CADM2: variants seen among roughly 807,000 people sequenced by gnomAD.
CADM2 encodes the protein immunoglobulin superfamily member 4D.
Under a neutral mutation model 49.8 loss-of-function variants are expected in CADM2, and 12 were observed. The observed-to-expected ratio is 0.24, with a 90% CI of 0.15 to 0.39. The LOEUF (loss-of-function observed/expected upper bound fraction) is 0.39. Among genes scored for constraint, CADM2 ranks in the 10% least tolerant of loss-of-function variants. The probability of loss-of-function intolerance (pLI) is 1.00; values close to 1 mark genes in which losing one functional copy is unlikely to be tolerated. For missense variants in CADM2, 378 were observed against 492.3 expected (o/e 0.77, Z 2.20); for synonymous variants, 214 against 175.4 (o/e 1.22, Z -1.74).
chr3:85,317,163 C>A (rs906881902), intron 1 of CADM2, among the ~76,000 whole-genome samples: 3 of 151,774 alleles, frequency 2.0e-5, no homozygotes, highest in African/African-American at 7.3e-5. Flanking sequence ...GTGAGGGTGA[C>A]AAAAATGAAA....
At chr3:85,449,306 A>G (rs2037639592) in intron 1 of CADM2, among the ~76,000 whole-genome samples, 1 of 151,984 alleles carries the variant, frequency 6.6e-6, no homozygotes, top group South Asian at 2.1e-4. Context: ...TTTGTTATAT[A>G]AAGGCGAGCT....
intron 1 of CADM2, among the ~76,000 whole-genome samples, chr3:85,444,637 C>A (rs2037363185): frequency 6.6e-6 from 1 of 152,084 alleles, no homozygotes; most frequent in Admixed American, 6.6e-5. Context: ...TCCCACAGTT[C>A]CTATCCTCCT....
intron 1 of CADM2, among the ~76,000 whole-genome samples, chr3:85,626,423 G>A (rs747611545): frequency 2.0e-5 from 3 of 151,890 alleles, no homozygotes; most frequent in Non-Finnish European, 4.4e-5. Context: ...TCTCACCCAT[G>A]AAGGGTAATT....
intron 2 of CADM2, among the ~76,000 whole-genome samples, chr3:85,748,723 C>T (rs1338493420): frequency 1.3e-5 from 2 of 152,100 alleles, no homozygotes; most frequent in Non-Finnish European, 2.9e-5. Flanking sequence ...GTATTTGCCT[C>T]TCTCAGGTGT....
At chr3:85,681,942 C>T (rs192323668) in intron 1 of CADM2, among the ~76,000 whole-genome samples, 1 of 152,198 alleles carries the variant, frequency 6.6e-6, no homozygotes, top group Non-Finnish European at 1.5e-5. Flanking sequence ...TGCTAAAGGG[C>T]TCAGCATGCA....
At chr3:85,385,094 C>T (rs1226015581) in intron 1 of CADM2, among the ~76,000 whole-genome samples, 1 of 151,988 alleles carries the variant, frequency 6.6e-6, no homozygotes, top group African/African-American at 2.4e-5. Context: ...CTCCAGCACA[C>T]CTGCTAATTT....
intron 1 of CADM2, among the ~76,000 whole-genome samples, chr3:85,483,387 T>C (rs892247720): frequency 4.0e-5 from 6 of 151,512 alleles, no homozygotes; most frequent in Admixed American, 4.0e-4. Flanking sequence ...CATATGTTTG[T>C]GTATATGTAA....
chr3:85,430,497 G>A (rs1414092387), intron 1 of CADM2, among the ~76,000 whole-genome samples: 1 of 151,286 alleles, frequency 6.6e-6, no homozygotes, highest in African/African-American at 2.4e-5. Flanking sequence ...CTGCCTGGGT[G>A]ACAGAGCAAG....
chr3:85,689,936 C>G (rs1039609076), intron 1 of CADM2, among the ~76,000 whole-genome samples: 1 of 152,084 alleles, frequency 6.6e-6, no homozygotes, highest in Non-Finnish European at 1.5e-5. Context: ...AAAAACAGGG[C>G]AGTTTCTGCA....
At chr3:85,525,363 G>T (rs2061138670) in intron 1 of CADM2, among the ~76,000 whole-genome samples, 1 of 152,096 alleles carries the variant, frequency 6.6e-6, no homozygotes, top group African/African-American at 2.4e-5. Flanking sequence ...GCTATATTCA[G>T]ATCTTTAGTT....
chr3:86,072,922 A>G lies in CADM2; in HGVS notation c.*6139A>G, dbSNP rs1038685895. The G allele has an allele frequency of 2.0e-5, 3 of 152,092 alleles. No homozygotes were observed. The highest frequency in any genetic ancestry group is 7.2e-5 in the African/African-American group (3 of 41,444). The allele number at this position is 152,092 out of a possible 1,614,324, so 9.4% of individuals were successfully genotyped here. On this transcript the variant is annotated 3_prime_UTR_variant, in exon 10 of 10. Coordinates refer to ENST00000383699, the MANE Select transcript of CADM2 (RefSeq NM_001167675.2). ...CTCTTTCTCCTTATAAATGTACACA[A>G]TTTTAATCTTTTTACAAATTTATTT... is the stretch of plus-strand genomic sequence containing the variant.
At position 85,856,591 on chromosome 3, in the gene CADM2, G is replaced by A. The variant is rs543319932; in HGVS notation, c.239-26700G>A. On this transcript the variant is annotated intron_variant, in intron 3 of 9. Coordinates refer to ENST00000383699, the MANE Select transcript of CADM2 (RefSeq NM_001167675.2). ...AATTACTATCAGAAATATGGTCAAG[G>A]ATTACAGGCATCAATATATTATGCT... Among the ~76,000 whole-genome samples the A allele has an allele frequency of 5.9e-5, 9 of 152,270 alleles. No homozygotes were observed. In the South Asian group the frequency reaches 1.9e-3, roughly 32 times the overall value.
chr3:85,285,650 A>G (rs946944603), intron 1 of CADM2, among the ~76,000 whole-genome samples: 1 of 152,062 alleles, frequency 6.6e-6, no homozygotes, highest in African/African-American at 2.4e-5. Context: ...CTCCTACCAC[A>G]ACAAACCAAA....
intron 8 of CADM2, among the ~76,000 whole-genome samples, chr3:86,032,989 C>G (rs4473548): frequency 0.036 from 5,446 of 151,976 alleles, 324 homozygotes; most frequent in African/African-American, 0.12. Context: ...TTATCAATCT[C>G]TTTTCCTTTT....
At chr3:85,820,525 T>A (rs1016189974) in intron 3 of CADM2, among the ~76,000 whole-genome samples, 17 of 152,242 alleles carry the variant, frequency 1.1e-4, no homozygotes, top group Admixed American at 2.6e-4. Context: ...GGCAAGAATG[T>A]GAGGTTGAAG....
chr3:85,627,095 C>T (rs1355099068), intron 1 of CADM2, among the ~76,000 whole-genome samples: 1 of 151,924 alleles, frequency 6.6e-6, no homozygotes, highest in Non-Finnish European at 1.5e-5. Flanking sequence ...AGTAAACTTT[C>T]ATTAAATTTT....
chr3:85,798,604 C>T (rs2071775898), intron 2 of CADM2, among the ~76,000 whole-genome samples: 1 of 152,110 alleles, frequency 6.6e-6, no homozygotes, highest in Non-Finnish European at 1.5e-5. Flanking sequence ...TTTCTGAGGA[C>T]TCTGTTCTTT....
intron 1 of CADM2, among the ~76,000 whole-genome samples, chr3:85,089,363 A>T (rs964501724): frequency 1.3e-5 from 2 of 152,096 alleles, no homozygotes; most frequent in Non-Finnish European, 2.9e-5. Flanking sequence ...AATATTTTGC[A>T]ACAGAACTAC....
chr3:85,343,346 T>C (rs2030150333), intron 1 of CADM2, among the ~76,000 whole-genome samples: 1 of 152,154 alleles, frequency 6.6e-6, no homozygotes, highest in Non-Finnish European at 1.5e-5. Context: ...TTTTCAAATT[T>C]ATAGAGGTGG....
Sources: allele counts gnomAD v4.1 joint callset (sites outside exome capture counted in the v4.1 genomes callset), GRCh38; gene constraint gnomAD v4.1.1; transcripts MANE v1.5; gene names NCBI Gene and HGNC (gene_info 2026-07-23, HGNC 2026-07-21).